LRP1B: variants seen among roughly 807,000 people sequenced by gnomAD.
The protein encoded by LRP1B is LDL receptor related protein 1B.
In LRP1B, 217 loss-of-function variants were observed where a neutral mutation model predicts 556.6. The ratio of observed to expected loss-of-function variants is 0.39; its 90% CI spans 0.35 to 0.44. The LOEUF (loss-of-function observed/expected upper bound fraction) is 0.44. Among genes scored for constraint, LRP1B ranks in the 20% least tolerant of loss-of-function variants. LRP1B has a pLI of 1.00. For synonymous variants in LRP1B, 2,047 were observed against 1,865.8 expected (o/e 1.10, Z -2.50); for missense variants, 5,053 against 5,620.8 (o/e 0.90, Z 3.23).
chr2:140,383,149 TTA>T (rs1407485099), intron 67 of LRP1B, among the ~76,000 whole-genome samples: 1 of 152,166 alleles, frequency 6.6e-6, no homozygotes, highest in East Asian at 1.9e-4. Context: ...ATAGGTTGAT[TTA>T]TATGTCTGTG....
intron 2 of LRP1B, among the ~76,000 whole-genome samples, chr2:141,572,959 C>T (rs1416526914): frequency 6.6e-6 from 1 of 152,136 alleles, no homozygotes; most frequent in Non-Finnish European, 1.5e-5. Context: ...AAAACAAGTT[C>T]TTAGAGACCT....
At chr2:141,102,463 C>T (rs1053196865) in intron 7 of LRP1B, among the ~76,000 whole-genome samples, 2 of 152,016 alleles carry the variant, frequency 1.3e-5, no homozygotes, top group African/African-American at 2.4e-5. Context: ...CAAACATAAC[C>T]GTGCTCATAT....
chr2:140,362,442 C>T (rs969588533), intron 72 of LRP1B, among the ~76,000 whole-genome samples: 1 of 151,618 alleles, frequency 6.6e-6, no homozygotes, highest in Admixed American at 6.6e-5. Flanking sequence ...CCTGATATAT[C>T]CTTTATATGT....
intron 84 of LRP1B, among the ~76,000 whole-genome samples, chr2:140,294,230 G>C (rs1683512441): frequency 6.6e-6 from 1 of 151,508 alleles, no homozygotes; most frequent in Non-Finnish European, 1.5e-5. Context: ...CCAAAAGACA[G>C]AGGAGAAAAT....
At chr2:141,375,137 A>G (rs975896313) in intron 3 of LRP1B, among the ~76,000 whole-genome samples, 1 of 152,136 alleles carries the variant, frequency 6.6e-6, no homozygotes, top group Non-Finnish European at 1.5e-5. Context: ...TTCTTTAGCA[A>G]TACACATAGG....
intron 2 of LRP1B, among the ~76,000 whole-genome samples, chr2:141,555,427 T>C (rs1685925322): frequency 6.6e-6 from 1 of 151,954 alleles, no homozygotes; most frequent in South Asian, 2.1e-4. Context: ...AAGCACTGTT[T>C]CTGAGGTCCT....
chr2:141,410,765 A>G (rs1307749854), intron 3 of LRP1B, among the ~76,000 whole-genome samples: 1 of 152,040 alleles, frequency 6.6e-6, no homozygotes, highest in Non-Finnish European at 1.5e-5. Context: ...AGAAGACACC[A>G]ATAATATAAA....
chr2:141,853,158 TACA>T (rs1697922516), intron 1 of LRP1B, among the ~76,000 whole-genome samples: 1 of 151,638 alleles, frequency 6.6e-6, no homozygotes, highest in East Asian at 1.9e-4. Context: ...ATTTAATATC[TACA>T]GATTCTACAA....
intron 2 of LRP1B, among the ~76,000 whole-genome samples, chr2:141,508,962 G>T (rs949549448): frequency 4.6e-5 from 7 of 152,194 alleles, no homozygotes; most frequent in East Asian, 1.9e-4. Flanking sequence ...ATTCCAATTT[G>T]CAGTCAGTGA....
intron 16 of LRP1B, among the ~76,000 whole-genome samples, chr2:140,991,296 G>A (rs1226787399): frequency 6.6e-6 from 1 of 152,094 alleles, no homozygotes; most frequent in African/African-American, 2.4e-5. Context: ...CTTTTGGTAT[G>A]GAGCCAAAAC....
intron 1 of LRP1B, among the ~76,000 whole-genome samples, chr2:141,898,256 G>A (rs1455404567): frequency 1.3e-5 from 2 of 152,046 alleles, no homozygotes; most frequent in Admixed American, 6.6e-5. Flanking sequence ...AAAGGCTGCC[G>A]GAAAGTCATG....
chr2:141,439,900 TC>T lies in LRP1B; in HGVS notation c.343+40495del, dbSNP rs1680898633. ...TCAATTCAAATGTGTCCACATAGTGTCCAAAAATCTTTCTAAGAAAAGTTTT... is the reference window on the plus strand; with the variant it reads ...TCAATTCAAATGTGTCCACATAGTGTCAAAAATCTTTCTAAGAAAAGTTTT... On this transcript the variant is annotated intron_variant, in intron 3 of 90. Coordinates refer to ENST00000389484, the MANE Select transcript of LRP1B (RefSeq NM_018557.3). Among the ~76,000 whole-genome samples, 3 of 152,312 alleles carry T rather than the reference TC, an allele frequency of 2.0e-5. No homozygotes were observed. The South Asian group carries it at 6.2e-4, about 32-fold the overall frequency.
At chr2:140,395,523 T>G (rs1214895145) in intron 66 of LRP1B, among the ~76,000 whole-genome samples, 1 of 152,172 alleles carries the variant, frequency 6.6e-6, no homozygotes, top group African/African-American at 2.4e-5. Flanking sequence ...GTGGACAGGT[T>G]ATGTGGACGC....
At chr2:140,990,362 T>C (rs1697055688) in intron 16 of LRP1B, among the ~76,000 whole-genome samples, 1 of 152,112 alleles carries the variant, frequency 6.6e-6, no homozygotes, top group African/African-American at 2.4e-5. Context: ...TTTAGTCATA[T>C]ATATTAAAAA....
At chr2:141,345,951 A>G (rs1688241072) in intron 3 of LRP1B, among the ~76,000 whole-genome samples, 2 of 150,568 alleles carry the variant, frequency 1.3e-5, no homozygotes, top group Admixed American at 6.6e-5. Context: ...TTGCTTTCCA[A>G]CCCCCAGTTT....
rs2105186835 is a variant in LRP1B at position 140,883,862 on chromosome 2, C to T, written c.4124G>A (p.Gly1375Glu). 1 of 1,613,870 alleles carries T rather than the reference C, an allele frequency of 6.2e-7. No homozygotes were observed. Among genetic ancestry groups the T allele is most frequent in the South Asian group, 1.1e-5 (1 of 91,070 alleles). The change falls in exon 25 of 91, where the codon GGA becomes GAA. Residue 1375 changes from glycine to glutamate, a missense_variant. Transcript: ENST00000389484. Reference sequence around the variant, plus strand: ...AATGGCCCTGGGGTGTTCCATGGCTCCTGCTATTAGTGTAGTTCTTAGGGA... The same window carrying T: ...AATGGCCCTGGGGTGTTCCATGGCTTCTGCTATTAGTGTAGTTCTTAGGGA... ...DGSLRTTLIA[G>E]AMEHPRAIAL...
chr2:140,666,331 C>CCACAT (rs1685274076), intron 41 of LRP1B, among the ~76,000 whole-genome samples: 1 of 138,786 alleles, frequency 7.2e-6, no homozygotes, highest in South Asian at 2.4e-4. Context: ...CACACACACA[C>CCACAT]CACACAAATA....
chr2:140,973,210 C>A (rs928002075), intron 18 of LRP1B, among the ~76,000 whole-genome samples: 1 of 151,512 alleles, frequency 6.6e-6, no homozygotes, highest in East Asian at 1.9e-4. Flanking sequence ...ACTATAGCTA[C>A]AGAATTCTAA....
chr2:141,965,520 C>A lies in LRP1B; in HGVS notation c.83-155119G>T, dbSNP rs1701532309. On this transcript the variant is annotated intron_variant, in intron 1 of 90. Coordinates refer to ENST00000389484, the MANE Select transcript of LRP1B (RefSeq NM_018557.3). Reference sequence around the variant, plus strand: ...AACAAAAAACCAAACACCGCATATTCTCACTCATAGGTGGGAATTGAACAA... The same window carrying A: ...AACAAAAAACCAAACACCGCATATTATCACTCATAGGTGGGAATTGAACAA... 8.4e-5 allele frequency among the ~76,000 whole-genome samples: 8 copies of A among 95,020 alleles called. No individual in the cohort carries two copies. In the Admixed American group the frequency reaches 9.7e-4, roughly 12 times the overall value. The allele number at this position is 95,020 out of a possible 152,430, so 62.3% of individuals were successfully genotyped here.
Sources: gnomAD v4.1 joint callset for allele counts (sites outside exome capture counted in the v4.1 genomes callset) on GRCh38, gnomAD v4.1.1 for gene constraint, MANE v1.5 for transcripts, NCBI Gene and HGNC (gene_info 2026-07-23, HGNC 2026-07-21) for gene names.